BCCIP: variants seen among roughly 807,000 people sequenced by gnomAD.
BCCIP encodes the protein BRCA2 and CDKN1A-interacting protein.
Under a neutral mutation model 32.8 loss-of-function variants are expected in BCCIP, and 23 were observed. The ratio of observed to expected loss-of-function variants is 0.70; its 90% confidence interval spans 0.51 to 0.99. BCCIP has a LOEUF of 0.99. Ranked by LOEUF, BCCIP falls within the 50% of genes least tolerant of loss-of-function variation. The pLI is 0.00. For synonymous variants in BCCIP, 144 were observed against 137.6 expected (o/e 1.05, Z -0.33); for missense variants, 378 against 379.8 (o/e 1.00, Z 0.04).
At chr10:125,827,933 C>T (rs1045385602) in intron 3 of BCCIP, among the ~76,000 whole-genome samples, 1 of 137,570 alleles carries the variant, frequency 7.3e-6, no homozygotes, top group Non-Finnish European at 1.5e-5. Flanking sequence ...TGCCGCTGCA[C>T]TCTAGCCGGG....
At position 125,831,441 on chromosome 10, in the gene BCCIP, A is replaced by G; in HGVS notation, c.433A>G (p.Ile145Val). 1 of 1,614,064 alleles carries G rather than the reference A, an allele frequency of 6.2e-7. No homozygotes were observed. ...CTAGGGTACCCAGTGTGTTGAACAA[A>G]TTCAAGAGTTGGTTCTACGCTTCTG... ...ERKGTQCVEQ[I>V]QELVLRFCEK... Residue 145 changes from isoleucine to valine, a missense_variant, in exon 5 of 7, where the codon ATT (isoleucine) becomes GTT (valine). By Grantham distance (29) the Ile-to-Val change is conservative. Transcript: ENST00000278100.
At chr10:125,847,858 G>C (rs1372001821) in intron 7 of BCCIP, among the ~76,000 whole-genome samples, 3 of 152,002 alleles carry the variant, frequency 2.0e-5, no homozygotes, top group East Asian at 3.9e-4. Context: ...TCATAATAGG[G>C]TTCGAGCTCC....
downstream of BCCIP, chr10:125,840,936 T>G: frequency 6.2e-7 from 1 of 1,612,616 alleles, no homozygotes; most frequent in Non-Finnish European, 8.5e-7. Context: ...TAAAAATGTC[T>G]TCCAACAAGT....
chr10:125,845,283 T>G (rs145656919), downstream of BCCIP, among the ~76,000 whole-genome samples: 74 of 152,348 alleles, frequency 4.9e-4, no homozygotes, highest in East Asian at 9.1e-3. Context: ...CTCAGGAGGC[T>G]TCCTCCAGCC....
Position 125,836,412 on chromosome 10 carries a change from C to T in BCCIP, c.*138C>T. 1 of 1,473,642 alleles carries T rather than the reference C, an allele frequency of 6.8e-7. No individual in the cohort carries two copies. The highest frequency in any genetic ancestry group is 8.9e-7 in the Non-Finnish European group (1 of 1,117,908). 91.3% of individuals were successfully genotyped at this position (1,473,642 alleles called of 1,614,324 possible). A position where few individuals can be genotyped will look rare whatever the true frequency, so the allele number is the denominator to read the frequency against. On this transcript the variant is annotated 3_prime_UTR_variant, in exon 7 of 7. Transcript: ENST00000278100. ...AGGGTTCTGTCCCATGTGTCTCTGACACATTTACAAAATACCAGTTTTTTA... is the reference window on the plus strand; with the variant it reads ...AGGGTTCTGTCCCATGTGTCTCTGATACATTTACAAAATACCAGTTTTTTA...
chr10:125,842,217 T>C (rs1854901771), exon 7 of BCCIP: 2 of 361,712 alleles, frequency 5.5e-6, no homozygotes, highest in Admixed American at 5.0e-5. Flanking sequence ...CTCCCTGCAG[T>C]AGGAAAACAA....
At chr10:125,831,292 CAAGACGTT>C in intron 4 of BCCIP, 120 bp from the exon 5 acceptor site, 2 of 809,624 alleles carry the variant, frequency 2.5e-6, no homozygotes, top group Non-Finnish European at 4.0e-6. Context: ...TGAAGACATA[CAAGACGTT>C]AAGGCTATGG....
At chr10:125,853,443 A>G (rs185253773) in exon 8 of BCCIP, 194 of 299,750 alleles carry the variant, frequency 6.5e-4, no homozygotes, top group African/African-American at 3.7e-3. Context: ...GTAATAAAGA[A>G]TATTTTGTAA....
chr10:125,826,008 C>G (rs41302921), intron 1 of BCCIP: 151 of 154,018 alleles, frequency 9.8e-4, no homozygotes, highest in Non-Finnish European at 1.6e-3. Context: ...GTTTCTTGCT[C>G]AAATGTCACT....
chr10:125,851,256 T>A (rs1944085543), intron 7 of BCCIP, among the ~76,000 whole-genome samples: 1 of 152,216 alleles, frequency 6.6e-6, no homozygotes, highest in African/African-American at 2.4e-5. Context: ...AATCCACAGT[T>A]ATATTTTCCC....
intron 6 of BCCIP, 92 bp downstream of exon 6, chr10:125,834,038 A>G: frequency 7.2e-7 from 1 of 1,380,616 alleles, no homozygotes; most frequent in Non-Finnish European, 1.0e-6. Flanking sequence ...TTTAGGTCCA[A>G]GTCTTTCAAG....
intron 5 of BCCIP, 112 bp from the exon 6 acceptor site, chr10:125,833,660 G>A: frequency 1.0e-6 from 1 of 957,566 alleles, no homozygotes; most frequent in Non-Finnish European, 1.6e-6. Flanking sequence ...TTGAATGCCT[G>A]CGTCACAGCA....
At chr10:125,846,906 C>T (rs1382334677), downstream of BCCIP, among the ~76,000 whole-genome samples, 3 of 152,138 alleles carry the variant, frequency 2.0e-5, no homozygotes, top group East Asian at 1.9e-4. Flanking sequence ...CAGTTCCTAA[C>T]GGGTCATTAA....
chr10:125,825,923 C>T (rs1383450028), intron 1 of BCCIP: 1 of 152,474 alleles, frequency 6.6e-6, no homozygotes, highest in East Asian at 1.9e-4. Context: ...CCCTTGTACT[C>T]ATTGTATTTC....
chr10:125,836,240 T>C lies in BCCIP; in HGVS notation c.911T>C (p.Ile304Thr). 1 of 1,614,204 alleles carries C rather than the reference T, an allele frequency of 6.2e-7. No homozygotes were observed. The highest frequency in any genetic ancestry group is 8.5e-7 in the Non-Finnish European group (1 of 1,180,018). Reference sequence around the variant, plus strand: ...ATTCCAGGCGACAAGATGAACGAAATCATGGATAAACTGAAAGAATATCTA... The same window carrying C: ...ATTCCAGGCGACAAGATGAACGAAACCATGGATAAACTGAAAGAATATCTA... ...MLIPGDKMNE[I>T]MDKLKEYLSV The change falls in exon 7 of 7, where the codon ATC becomes ACC. Residue 304 changes from isoleucine to threonine, a missense_variant. Transcript: ENST00000278100.
At chr10:125,838,966 A>G, downstream of BCCIP, 1 of 1,590,112 alleles carries the variant, frequency 6.3e-7, no homozygotes, top group Non-Finnish European at 8.6e-7. Context: ...GCAATTCAGC[A>G]GAGCCTATGC....
In BCCIP at chr10:125,826,996, T is replaced by TAAAAAAAAA. The variant is rs374807277; in HGVS notation, c.240+332_240+340dup. On this transcript the variant is annotated intron_variant, in intron 2 of 6. Coordinates refer to ENST00000278100, the MANE Select transcript of BCCIP (RefSeq NM_078468.3). ...GGGCAACAGAGTGAGCCTCTGTCTCTAAAAAAAAAGAAAATTCAGGTCATT... is the reference window on the plus strand; with the variant it reads ...GGGCAACAGAGTGAGCCTCTGTCTCTAAAAAAAAAAAAAAAAAAGAAAATTCAGGTCATT... 2.3e-4 allele frequency among the ~76,000 whole-genome samples: 30 copies of TAAAAAAAAA among 129,282 alleles called. 4 individuals are homozygous for TAAAAAAAAA. Among genetic ancestry groups the TAAAAAAAAA allele is most frequent in the Middle Eastern group, 3.8e-3 (1 of 262 alleles). 84.8% of individuals were successfully genotyped at this position (129,282 alleles called of 152,430 possible). A position where few individuals can be genotyped will look rare whatever the true frequency, so the allele number is the denominator to read the frequency against.
chr10:125,834,096 A>G (rs550008994), intron 6 of BCCIP, 150 bp downstream of exon 6: 11 of 808,466 alleles, frequency 1.4e-5, no homozygotes, highest in Admixed American at 7.5e-5. Flanking sequence ...AGCAGCTAAC[A>G]TAGTGCCAGG....
At chr10:125,838,461 A>G, downstream of BCCIP, 2 of 1,337,058 alleles carry the variant, frequency 1.5e-6, no homozygotes, top group Non-Finnish European at 2.0e-6. Context: ...GTTTGTTGAA[A>G]AAAATACCAA....
Sources: gnomAD v4.1 joint callset for allele counts (sites outside exome capture counted in the v4.1 genomes callset) on GRCh38, gnomAD v4.1.1 for gene constraint, MANE v1.5 for transcripts, NCBI Gene and HGNC (gene_info 2026-07-23, HGNC 2026-07-21) for gene names.